Variants in TNFRSF10A observed in about 807,000 individuals in gnomAD.
TNFRSF10A encodes TNF receptor superfamily member 10a.
TNFRSF10A carries 44 observed loss-of-function variants against 42.8 expected under a neutral mutation model. That is an observed-to-expected ratio of 1.03 (90% confidence interval 0.81 to 1.32). The LOEUF is 1.32. TNFRSF10A is among the 40% of genes most tolerant of loss of function. The probability of loss-of-function intolerance (pLI) is 0.00; values close to 1 mark genes in which losing one functional copy is unlikely to be tolerated. For missense variants in TNFRSF10A, 680 were observed against 602.0 expected (o/e 1.13, Z -1.36); for synonymous variants, 259 against 234.2 (o/e 1.11, Z -0.97).
chr8:23,202,949 C>A (rs534091170), intron 2 of TNFRSF10A, among the ~76,000 whole-genome samples, 188 bp from the exon 3 acceptor site: 1 of 152,044 alleles, frequency 6.6e-6, no homozygotes, highest in Non-Finnish European at 1.5e-5. Flanking sequence ...GACAGAAATA[C>A]AATACAAACC....
chr8:23,215,905 G>C (rs1801172390), intron 1 of TNFRSF10A, among the ~76,000 whole-genome samples: 1 of 151,588 alleles, frequency 6.6e-6, no homozygotes, highest in Admixed American at 6.6e-5. Flanking sequence ...TGCAACCTCG[G>C]TCTCCTGGGT....
chr8:23,199,189 C>A, intron 8 of TNFRSF10A, 77 bp downstream of exon 8: 1 of 1,540,424 alleles, frequency 6.5e-7, no homozygotes, highest in Non-Finnish European at 8.8e-7. Flanking sequence ...GCTCCACTTC[C>A]CCTTTGACCA....
chr8:23,204,866 C>A (rs1232537408), intron 2 of TNFRSF10A, among the ~76,000 whole-genome samples: 5 of 151,964 alleles, frequency 3.3e-5, no homozygotes, highest in African/African-American at 4.8e-5. Context: ...AATGAAGACA[C>A]AACATACCAA....
chr8:23,203,667 G>A (rs1800967563), intron 2 of TNFRSF10A, among the ~76,000 whole-genome samples: 1 of 151,470 alleles, frequency 6.6e-6, no homozygotes, highest in South Asian at 2.1e-4. Flanking sequence ...CCAAACTGTG[G>A]AAAAAAAACT....
chr8:23,218,053 G>A (rs1283872206), intron 1 of TNFRSF10A, among the ~76,000 whole-genome samples: 1 of 152,190 alleles, frequency 6.6e-6, no homozygotes, highest in East Asian at 1.9e-4. Context: ...ACAACTCTGA[G>A]GTTTGTGGGC....
At chr8:23,221,879 C>CTT (rs112390866) in intron 1 of TNFRSF10A, among the ~76,000 whole-genome samples, 1 of 147,744 alleles carries the variant, frequency 6.8e-6, no homozygotes, top group Non-Finnish European at 1.5e-5. Flanking sequence ...CTTGTGTATT[C>CTT]TTTTTTTTTT....
At chr8:23,211,038 A>G (rs569880467) in intron 2 of TNFRSF10A, among the ~76,000 whole-genome samples, 1 of 152,358 alleles carries the variant, frequency 6.6e-6, no homozygotes, top group East Asian at 1.9e-4. Flanking sequence ...TCAATATGGT[A>G]CTGGAGGCTC....
chr8:23,214,653 T>C (rs1801150630), intron 1 of TNFRSF10A, among the ~76,000 whole-genome samples: 1 of 152,230 alleles, frequency 6.6e-6, no homozygotes, highest in Admixed American at 6.5e-5. Flanking sequence ...TGGCCTAACA[T>C]ATAGTGTGTC....
At chr8:23,209,051 C>T (rs1275108568) in intron 2 of TNFRSF10A, among the ~76,000 whole-genome samples, 1 of 152,150 alleles carries the variant, frequency 6.6e-6, no homozygotes, top group East Asian at 1.9e-4. Context: ...ACTTGGTGCC[C>T]TACATTCCAG....
At chr8:23,193,620 G>A (rs1236228171) in intron 9 of TNFRSF10A, among the ~76,000 whole-genome samples, 3 of 152,058 alleles carry the variant, frequency 2.0e-5, no homozygotes, top group South Asian at 2.1e-4. Flanking sequence ...TGGGTACCAG[G>A]CAGCACGACT....
intron 1 of TNFRSF10A, chr8:23,224,489 A>C: frequency 2.0e-6 from 1 of 509,876 alleles, no homozygotes; most frequent in Admixed American, 3.6e-5. Context: ...GGCAGGAGGG[A>C]GACGCGCCAG....
At chr8:23,210,351 C>T (rs998514182) in intron 2 of TNFRSF10A, among the ~76,000 whole-genome samples, 1 of 152,010 alleles carries the variant, frequency 6.6e-6, no homozygotes, top group African/African-American at 2.4e-5. Flanking sequence ...CAAAAATTTG[C>T]AACAAAATAC....
At chr8:23,224,408 G>A (rs1801303502) in intron 1 of TNFRSF10A, 2 of 256,716 alleles carry the variant, frequency 7.8e-6, no homozygotes, top group East Asian at 1.9e-4. Flanking sequence ...GGTGTGGCTG[G>A]GAGTTGGCTT....
chr8:23,205,296 G>A (rs1024354450), intron 2 of TNFRSF10A, among the ~76,000 whole-genome samples: 3 of 152,174 alleles, frequency 2.0e-5, no homozygotes, highest in African/African-American at 7.2e-5. Context: ...TATAATGGAG[G>A]AGGAAAATTC....
intron 8 of TNFRSF10A, among the ~76,000 whole-genome samples, chr8:23,197,947 T>C (rs1372169840): frequency 6.6e-6 from 1 of 152,220 alleles, no homozygotes; most frequent in African/African-American, 2.4e-5. Flanking sequence ...TCATTTTAAA[T>C]ATATAAACTA....
intron 1 of TNFRSF10A, among the ~76,000 whole-genome samples, chr8:23,223,599 G>C (rs1801287087): frequency 6.6e-6 from 1 of 152,202 alleles, no homozygotes; most frequent in Non-Finnish European, 1.5e-5. Flanking sequence ...ATTTCAAAAT[G>C]CTATTGGATT....
At chr8:23,223,912 A>T in intron 1 of TNFRSF10A, among the ~76,000 whole-genome samples, 1 of 152,216 alleles carries the variant, frequency 6.6e-6, no homozygotes, top group East Asian at 1.9e-4. Context: ...TGCGCAAGAA[A>T]GTGGCTGGAA....
intron 2 of TNFRSF10A, among the ~76,000 whole-genome samples, chr8:23,210,630 C>T (rs574466054): frequency 5.5e-4 from 84 of 152,100 alleles, no homozygotes; most frequent in African/African-American, 1.8e-3. Context: ...TGCAGTGAGC[C>T]GAGATCGCGC....
At chr8:23,219,012 T>A (rs1246866591) in intron 1 of TNFRSF10A, among the ~76,000 whole-genome samples, 1 of 152,092 alleles carries the variant, frequency 6.6e-6, no homozygotes, top group Non-Finnish European at 1.5e-5. Flanking sequence ...AAGCCACCAA[T>A]ACCATGACCT....
Sources: allele counts gnomAD v4.1 joint callset (sites outside exome capture counted in the v4.1 genomes callset), GRCh38; gene constraint gnomAD v4.1.1; transcripts MANE v1.5; gene names NCBI Gene and HGNC (gene_info 2026-07-23, HGNC 2026-07-21).